AFF3: variants seen among roughly 807,000 people sequenced by gnomAD.
AFF3 encodes ALF transcription elongation factor 3, also known as AF4/FMR2 family member 3.
AFF3 carries 32 observed loss-of-function variants against 129.7 expected under a neutral mutation model. The ratio of observed to expected loss-of-function variants is 0.25; its 90% confidence interval spans 0.19 to 0.33. AFF3 has a LOEUF of 0.33. AFF3 is among the 10% of genes least tolerant of loss of function. AFF3 has a pLI of 1.00. For missense variants in AFF3, 1,373 were observed against 1,592.0 expected, an observed-to-expected ratio of 0.86 and a Z score of 2.34; for synonymous variants, 644 against 635.4, an observed-to-expected ratio of 1.01 and a Z score of -0.20.
chr2:99,648,126 A>G (rs1034026940), intron 13 of AFF3, among the ~76,000 whole-genome samples: 33 of 151,638 alleles, frequency 2.2e-4, no homozygotes, highest in African/African-American at 7.8e-4. Flanking sequence ...TTTTTCCTGT[A>G]TTTATATGTG....
At chr2:99,601,701 T>A in intron 13 of AFF3, 80 bp from the exon 14 acceptor site, 1 of 1,505,876 alleles carries the variant, frequency 6.6e-7, no homozygotes, top group Non-Finnish European at 8.9e-7. Context: ...CAAGCTGTCA[T>A]GCACCCTAAA....
intron 4 of AFF3, among the ~76,000 whole-genome samples, chr2:100,026,885 A>T (rs1684094256): frequency 6.6e-6 from 1 of 151,794 alleles, no homozygotes; most frequent in African/African-American, 2.4e-5. Flanking sequence ...AGCTGTGAGG[A>T]CAAAAAGGCA....
intron 12 of AFF3, among the ~76,000 whole-genome samples, chr2:99,666,676 C>A (rs7579222): frequency 0.84 from 128,144 of 152,220 alleles, 54,007 homozygotes; most frequent in East Asian, 0.92. Flanking sequence ...CAAATATAAC[C>A]ATATTGGTAG....
At chr2:99,764,310 T>C (rs1299429263) in intron 8 of AFF3, among the ~76,000 whole-genome samples, 1 of 152,192 alleles carries the variant, frequency 6.6e-6, no homozygotes, top group African/African-American at 2.4e-5. Context: ...AACTGAACTC[T>C]CCACAGAGAG....
At chr2:99,611,015 C>T (rs919449864) in intron 13 of AFF3, among the ~76,000 whole-genome samples, 2 of 152,170 alleles carry the variant, frequency 1.3e-5, no homozygotes, top group African/African-American at 4.8e-5. Context: ...TTGTTCCTAT[C>T]AGGCAATTTC....
chr2:99,636,498 C>T (rs983163319), intron 13 of AFF3, among the ~76,000 whole-genome samples: 1 of 152,202 alleles, frequency 6.6e-6, no homozygotes, highest in Non-Finnish European at 1.5e-5. Flanking sequence ...TGAGTAAATA[C>T]TGCCTCTCGG....
chr2:99,834,166 G>C (rs554199557), intron 8 of AFF3, among the ~76,000 whole-genome samples: 3 of 152,100 alleles, frequency 2.0e-5, no homozygotes, highest in Non-Finnish European at 4.4e-5. Context: ...GACTGGTTTC[G>C]TTAATGAGCC....
intron 8 of AFF3, among the ~76,000 whole-genome samples, chr2:99,812,598 A>G (rs1481231595): frequency 6.6e-6 from 1 of 152,236 alleles, no homozygotes; most frequent in Non-Finnish European, 1.5e-5. Flanking sequence ...AAATGCATAA[A>G]GGGAAGTCGA....
At chr2:99,695,342 C>A (rs1357782780) in intron 11 of AFF3, among the ~76,000 whole-genome samples, 1 of 152,134 alleles carries the variant, frequency 6.6e-6, no homozygotes, top group Non-Finnish European at 1.5e-5. Context: ...GGCGAGTCTC[C>A]CAGGGTGGGA....
intron 16 of AFF3, 147 bp downstream of exon 16, chr2:99,587,007 T>TA: frequency 9.6e-7 from 1 of 1,043,554 alleles, no homozygotes; most frequent in Non-Finnish European, 1.4e-6. Context: ...GCCATAATAA[T>TA]AAGATTTGGG....
chr2:100,045,482 T>C (rs1685760318), intron 4 of AFF3, among the ~76,000 whole-genome samples: 1 of 152,222 alleles, frequency 6.6e-6, no homozygotes, highest in Non-Finnish European at 1.5e-5. Context: ...TGAATATTTA[T>C]TATTTTAAGT....
At chr2:99,951,530 G>A (rs1676162417) in intron 7 of AFF3, among the ~76,000 whole-genome samples, 1 of 152,184 alleles carries the variant, frequency 6.6e-6, no homozygotes, top group Non-Finnish European at 1.5e-5. Context: ...ATTAGTGAAG[G>A]ACAAGTAGAA....
intron 11 of AFF3, among the ~76,000 whole-genome samples, chr2:99,717,566 T>C (rs1315745548): frequency 6.6e-6 from 1 of 152,236 alleles, no homozygotes; most frequent in Non-Finnish European, 1.5e-5. Flanking sequence ...ATTTAAGAAA[T>C]TTATAATTTT....
chr2:99,739,695 A>G (rs1241065089), intron 10 of AFF3, among the ~76,000 whole-genome samples: 1 of 152,172 alleles, frequency 6.6e-6, no homozygotes, highest in Non-Finnish European at 1.5e-5. Context: ...AGTCTTTCTC[A>G]CTTCAAAGAG....
At chr2:100,090,901 G>A (rs1219608084) in intron 4 of AFF3, among the ~76,000 whole-genome samples, 1 of 152,116 alleles carries the variant, frequency 6.6e-6, no homozygotes, top group African/African-American at 2.4e-5. Flanking sequence ...CATTGGCCAG[G>A]CTGGTCTGGA....
At chr2:100,117,274 G>T (rs1044817494) in intron 2 of AFF3, among the ~76,000 whole-genome samples, 1 of 152,088 alleles carries the variant, frequency 6.6e-6, no homozygotes, top group East Asian at 1.9e-4. Flanking sequence ...ATGCATGCTA[G>T]AATTTTTAGC....
intron 8 of AFF3, among the ~76,000 whole-genome samples, chr2:99,828,358 T>G (rs1369264031): frequency 6.6e-6 from 1 of 152,070 alleles, no homozygotes; most frequent in African/African-American, 2.4e-5. Context: ...GGCAGTGAGA[T>G]CCAGCATAAA....
chr2:100,070,491 C>T (rs1688088709), intron 4 of AFF3, among the ~76,000 whole-genome samples: 2 of 152,186 alleles, frequency 1.3e-5, no homozygotes, highest in African/African-American at 4.8e-5. Flanking sequence ...CATTTATTTT[C>T]ACACTGTGAT....
chr2:99,898,184 C>G (rs1204439217), intron 7 of AFF3, among the ~76,000 whole-genome samples: 1 of 152,182 alleles, frequency 6.6e-6, no homozygotes, highest in Non-Finnish European at 1.5e-5. Flanking sequence ...GTGCTCATTC[C>G]CTTCATTTCT....
Sources: allele counts gnomAD v4.1 joint callset (sites outside exome capture counted in the v4.1 genomes callset), GRCh38; gene constraint gnomAD v4.1.1; transcripts MANE v1.5; gene names NCBI Gene and HGNC (gene_info 2026-07-23, HGNC 2026-07-21).